Variants in SLC36A4 observed in about 807,000 individuals in gnomAD.
SLC36A4 encodes solute carrier family 36 member 4.
In SLC36A4, 49 loss-of-function variants were observed where a neutral mutation model predicts 50.5. That is an observed-to-expected ratio of 0.97 (90% CI 0.77 to 1.23). The LOEUF is 1.23. Among genes scored for constraint, SLC36A4 ranks in the 50% most tolerant of loss-of-function variants. The pLI is 0.00. For synonymous variants in SLC36A4, 207 were observed against 206.5 expected (o/e 1.00, Z -0.02); for missense variants, 611 against 608.4 (o/e 1.00, Z -0.05).
At chr11:93,194,709 G>GCA (rs1383663222) in intron 1 of SLC36A4, among the ~76,000 whole-genome samples, 1 of 151,922 alleles carries the variant, frequency 6.6e-6, no homozygotes, top group African/African-American at 2.4e-5. Flanking sequence ...ATGTTCACAG[G>GCA]CACACACACA....
rs1298816824 is a variant in SLC36A4 at position 93,144,624 on chromosome 11, C to T, written c.*3913G>A. ...TAGGGCAATAAATAGCATTTCTAGC[C>T]ATTTCTTAGGCATGTTTCCTTATCT... On this transcript the variant is annotated 3_prime_UTR_variant, in exon 11 of 11. Transcript: ENST00000326402. The T allele has an allele frequency of 6.6e-6, 1 of 151,980 alleles. No individual in the cohort carries two copies. Among genetic ancestry groups the T allele is most frequent in the Non-Finnish European group, 1.5e-5 (1 of 67,954 alleles). 9.4% of individuals were successfully genotyped at this position (151,980 alleles called of 1,614,324 possible). A position where few individuals can be genotyped will look rare whatever the true frequency, so the allele number is the denominator to read the frequency against.
chr11:93,148,891 C>T, intron 10 of SLC36A4, 47 bp from the exon 11 acceptor site: 1 of 1,501,244 alleles, frequency 6.7e-7, no homozygotes, highest in Non-Finnish European at 9.1e-7. Flanking sequence ...ATGTTTGTTA[C>T]TTACATGAAT....
intron 3 of SLC36A4, among the ~76,000 whole-genome samples, chr11:93,183,344 T>C (rs571179813): frequency 9.2e-5 from 14 of 152,320 alleles, no homozygotes; most frequent in African/African-American, 3.4e-4. Context: ...ACCATGCTTA[T>C]AAAATAATTA....
At chr11:93,191,773 T>C (rs961047282) in intron 1 of SLC36A4, among the ~76,000 whole-genome samples, 3 of 152,190 alleles carry the variant, frequency 2.0e-5, no homozygotes, top group Non-Finnish European at 2.9e-5. Flanking sequence ...AACAGCATTA[T>C]AGGCGAACAC....
rs141009557 is a variant in SLC36A4, at chr11:93,182,825, T to G, written c.340A>C (p.Ser114Arg). The part of the protein sequence containing the change: ...VHCMHILVRC[S>R]HFLCLRFKKS... ...ATTTACCTCAGACATAGAAAGTGAC[T>G]GCAACGTACCAATATGTGCATACAG... Residue 114 changes from serine (S) to arginine (R), a missense_variant, in exon 4 of 11, where the codon AGT (serine) becomes CGT (arginine). Ser to Arg is a moderately radical substitution (Grantham distance 110). Coordinates refer to ENST00000326402, the MANE Select transcript of SLC36A4 (RefSeq NM_152313.4). 2.3e-4 allele frequency: 363 copies of G among 1,611,250 alleles called. No homozygotes were observed. The highest frequency in any genetic ancestry group is 2.9e-4 in the Non-Finnish European group (345 of 1,178,544).
chr11:93,166,423 T>G (rs7941228), intron 7 of SLC36A4: 277,501 of 988,824 alleles, frequency 0.28, 40,667 homozygotes, highest in East Asian at 0.32. Flanking sequence ...CCACTCTATT[T>G]TTATTGCTCT....
chr11:93,169,186 C>A (rs192403037), intron 6 of SLC36A4, among the ~76,000 whole-genome samples: 2 of 152,164 alleles, frequency 1.3e-5, no homozygotes, highest in Admixed American at 1.3e-4. Flanking sequence ...TACTGAACTA[C>A]ATGCTTTATA....
chr11:93,168,487 A>C (rs901980990), intron 6 of SLC36A4, among the ~76,000 whole-genome samples: 1 of 152,076 alleles, frequency 6.6e-6, no homozygotes, highest in Non-Finnish European at 1.5e-5. Flanking sequence ...TATCATGCTC[A>C]TGATACCTCC....
At chr11:93,182,024 A>C (rs1861759450) in intron 4 of SLC36A4, among the ~76,000 whole-genome samples, 1 of 152,116 alleles carries the variant, frequency 6.6e-6, no homozygotes, top group South Asian at 2.1e-4. Flanking sequence ...GCTAAAGTTT[A>C]TGTAAGTGCA....
chr11:93,153,965 C>G (rs1200622386), intron 10 of SLC36A4, 143 bp downstream of exon 10: 2 of 414,194 alleles, frequency 4.8e-6, no homozygotes, highest in Non-Finnish European at 8.1e-6. Flanking sequence ...GAAAAGTAAC[C>G]CAGCTGGGTG....
At chr11:93,173,166 T>C (rs1454886844) in intron 6 of SLC36A4, among the ~76,000 whole-genome samples, 2 of 145,040 alleles carry the variant, frequency 1.4e-5, no homozygotes, top group African/African-American at 5.1e-5. Flanking sequence ...TATCTCATTG[T>C]GGTTTTGATT....
rs146740031 is a variant in SLC36A4, at chr11:93,165,993, A to C, written c.792T>G (p.Leu264=). ...VVRNMPDPHN[L]PIVAGWKKYP... ...ATTTCTTCCAACCAGCCACTATTGG[A>C]AGGTTGTGGGGATCTGGCATGTTCT... Residue 264 remains leucine, a synonymous_variant, in exon 8 of 11, where the codon CTT becomes CTG. Coordinates refer to ENST00000326402, the MANE Select transcript of SLC36A4 (RefSeq NM_152313.4). 792 of 1,610,888 alleles carry C rather than the reference A, an allele frequency of 4.9e-4. 11 individuals are homozygous for C. In the African/African-American group the frequency reaches 9.4e-3, roughly 19 times the overall value.
chr11:93,177,074 C>G (rs1055497878), intron 6 of SLC36A4, among the ~76,000 whole-genome samples: 7 of 152,222 alleles, frequency 4.6e-5, no homozygotes, highest in Non-Finnish European at 8.8e-5. Flanking sequence ...TTCTCCCCAA[C>G]ACTTTCAGGT....
Position 93,154,245 on chromosome 11 carries a change from A to G in SLC36A4, c.1070T>C (p.Phe357Ser), listed in dbSNP as rs748684438. 2 of 1,479,258 alleles carry G rather than the reference A, an allele frequency of 1.4e-6. No individual in the cohort carries two copies. The highest frequency in any genetic ancestry group is 9.0e-7 in the Non-Finnish European group (1 of 1,110,670). The allele number at this position is 1,479,258 out of a possible 1,614,324, so 91.6% of individuals were successfully genotyped here. A position where few individuals can be genotyped will look rare whatever the true frequency, so the allele number is the denominator to read the frequency against. Residue 357 changes from phenylalanine (F) to serine (S), a missense_variant, in exon 10 of 11, where the codon TTT becomes TCT. Coordinates refer to ENST00000326402, the MANE Select transcript of SLC36A4 (RefSeq NM_152313.4). ...LYQSVKILYS[F>S]GIFVTYSIQF... ...AATTGAATATGTCACAAAAATGCCAAAGGAATATAGAATTTTCACTGATTG... is the reference window on the plus strand; with the variant it reads ...AATTGAATATGTCACAAAAATGCCAGAGGAATATAGAATTTTCACTGATTG...
chr11:93,184,350 T>C, intron 3 of SLC36A4, 80 bp downstream of exon 3: 1 of 857,094 alleles, frequency 1.2e-6, no homozygotes, highest in South Asian at 1.4e-5. Context: ...CAGGTTATAT[T>C]TGACTAGGCC....
At chr11:93,152,433 T>C (rs1466973575) in intron 10 of SLC36A4, 3 of 152,174 alleles carry the variant, frequency 2.0e-5, no homozygotes, top group Non-Finnish European at 4.4e-5. Context: ...AGGTTCAGTG[T>C]CCAGTGATGT....
At chr11:93,160,485 G>C (rs1860569504) in intron 9 of SLC36A4, 1 of 985,322 alleles carries the variant, frequency 1.0e-6, no homozygotes, top group Admixed American at 6.2e-5. Context: ...ACAGCAATTA[G>C]GAATAAGGTC....
At chr11:93,182,981 G>T in intron 3 of SLC36A4, 87 bp from the exon 4 acceptor site, 1 of 877,970 alleles carries the variant, frequency 1.1e-6, no homozygotes, top group Non-Finnish European at 1.8e-6. Flanking sequence ...TTATTCACGT[G>T]CAGTGAATAA....
At chr11:93,187,239 A>G (rs1862026350) in intron 1 of SLC36A4, among the ~76,000 whole-genome samples, 1 of 152,154 alleles carries the variant, frequency 6.6e-6, no homozygotes, top group African/African-American at 2.4e-5. Context: ...TCTTTTTCCT[A>G]GAGTTCCTGA....
Sources: gnomAD v4.1 joint callset for allele counts (sites outside exome capture counted in the v4.1 genomes callset) on GRCh38, gnomAD v4.1.1 for gene constraint, MANE v1.5 for transcripts, NCBI Gene and HGNC (gene_info 2026-07-23, HGNC 2026-07-21) for gene names.